Variants in MED20 observed in about 807,000 individuals in gnomAD.
MED20 encodes the protein mediator complex subunit 20.
Under a neutral mutation model 19.7 loss-of-function variants are expected in MED20, and 19 were observed. The ratio of observed to expected loss-of-function variants is 0.96; its 90% CI spans 0.67 to 1.42. MED20 has a LOEUF of 1.42. MED20 is among the 40% of genes most tolerant of loss of function. The pLI is 0.00. For missense variants in MED20, 225 were observed against 273.0 expected (o/e 0.82, Z 1.24); for synonymous variants, 105 against 104.8 (o/e 1.00, Z -0.01).
In MED20 at chr6:41,916,806, CGGCCGTATGGT is replaced by C; in HGVS notation, c.137_147del (p.Tyr46CysfsTer31). On this transcript the variant is annotated frameshift_variant, in exon 2 of 4. Coordinates refer to ENST00000265350, the MANE Select transcript of MED20 (RefSeq NM_004275.5). LOFTEE classifies it high-confidence loss of function. ...TGACCTTGGCTGCCAAGGGTAGAGGCGGCCGTATGGTAAGTCTCACAGTCCACACAAAATGT... is the reference window on the plus strand; with the variant it reads ...TGACCTTGGCTGCCAAGGGTAGAGGCAAGTCTCACAGTCCACACAAAATGT... 1 of 1,614,016 alleles carries C rather than the reference CGGCCGTATGGT, an allele frequency of 6.2e-7. No individual in the cohort carries two copies. Among genetic ancestry groups the C allele is most frequent in the Non-Finnish European group, 8.5e-7 (1 of 1,179,936 alleles).
chr6:41,921,116 T>A lies in MED20; in HGVS notation c.-98A>T. The A allele has an allele frequency of 3.4e-6, 5 of 1,481,892 alleles. No homozygotes were observed. The highest frequency in any genetic ancestry group is 1.2e-5 in the South Asian group (1 of 84,134). 91.8% of individuals were successfully genotyped at this position (1,481,892 alleles called of 1,614,324 possible). On this transcript the variant is annotated 5_prime_UTR_variant, in exon 1 of 4. Transcript: ENST00000265350. ...TTCAGTTCCCCAACACAACCTTCTGTCTCAGAAGGGACTCCGGAAATACGT... is the reference window on the plus strand; with the variant it reads ...TTCAGTTCCCCAACACAACCTTCTGACTCAGAAGGGACTCCGGAAATACGT...
intron 3 of MED20, 40 bp from the exon 4 acceptor site, chr6:41,907,327 C>CTAA (rs755347892): frequency 6.4e-7 from 1 of 1,560,904 alleles, no homozygotes; most frequent in Admixed American, 1.9e-5. Context: ...TGAATGAAGG[C>CTAA]TAAGACAAGG....
chr6:41,917,807 C>G (rs1410336521), intron 1 of MED20: 1 of 471,358 alleles, frequency 2.1e-6, no homozygotes, highest in East Asian at 6.9e-5. Flanking sequence ...ACTCTGTGAA[C>G]TTGAGCTGTT....
chr6:41,919,002 G>C (rs1279698843), intron 1 of MED20, among the ~76,000 whole-genome samples: 1 of 149,140 alleles, frequency 6.7e-6, no homozygotes, highest in African/African-American at 2.5e-5. Flanking sequence ...GGTGGTGGGC[G>C]CCTGTAGTCC....
chr6:41,913,667 AG>A (rs996143636), intron 2 of MED20, among the ~76,000 whole-genome samples: 1 of 152,196 alleles, frequency 6.6e-6, no homozygotes, highest in Non-Finnish European at 1.5e-5. Flanking sequence ...TGGGAGGCCA[AG>A]GTGGGCGGAT....
intron 3 of MED20, chr6:41,908,841 T>A (rs890761133): frequency 2.1e-5 from 4 of 191,980 alleles, no homozygotes; most frequent in Admixed American, 5.9e-5. Context: ...AGAGGAAGCA[T>A]AGATGCCTTG....
intron 1 of MED20, among the ~76,000 whole-genome samples, 166 bp from the exon 2 acceptor site, chr6:41,917,105 A>G (rs1171599719): frequency 6.6e-6 from 1 of 152,104 alleles, no homozygotes; most frequent in African/African-American, 2.4e-5. Context: ...ATTTTTAATT[A>G]AAAAAAATTT....
chr6:41,907,996 G>A (rs1457371197), intron 3 of MED20, among the ~76,000 whole-genome samples: 5 of 152,160 alleles, frequency 3.3e-5, no homozygotes, highest in African/African-American at 4.8e-5. Flanking sequence ...ATCACAAGCC[G>A]AAAGGGTTAG....
At chr6:41,916,965 A>G (rs1775331073) in intron 1 of MED20, 26 bp from the exon 2 acceptor site, 1 of 1,612,736 alleles carries the variant, frequency 6.2e-7, no homozygotes. Context: ...CCAAATCGTC[A>G]GTTATCCAGA....
At position 41,921,123 on chromosome 6, in the gene MED20, A is replaced by G; in HGVS notation, c.-105T>C. ...CCCCAACACAACCTTCTGTCTCAGA[A>G]GGGACTCCGGAAATACGTAAAAACA... On this transcript the variant is annotated 5_prime_UTR_variant, in exon 1 of 4. Transcript: ENST00000265350. 2.7e-6 allele frequency: 4 copies of G among 1,467,014 alleles called. No homozygotes were observed. In the South Asian group the frequency reaches 3.7e-5, roughly 13 times the overall value. 90.9% of individuals were successfully genotyped at this position (1,467,014 alleles called of 1,614,324 possible).
intron 2 of MED20, 45 bp from the exon 3 acceptor site, chr6:41,909,567 C>T (rs1775140863): frequency 1.6e-5 from 25 of 1,601,136 alleles, no homozygotes; most frequent in Non-Finnish European, 2.1e-5. Flanking sequence ...CTTTCACTGG[C>T]AAACCCCAGA....
At position 41,921,015 on chromosome 6, in the gene MED20, C is replaced by T; in HGVS notation, c.4G>A (p.Gly2Arg). The T allele has an allele frequency of 1.2e-6, 2 of 1,613,254 alleles. No homozygotes were observed. Among genetic ancestry groups the T allele is most frequent in the Non-Finnish European group, 1.7e-6 (2 of 1,179,562 alleles). M[G>R]VTCVSQMPVA... is the part of the protein sequence containing the mutation. ...CCCCTGCAGTCCTACCAAGTCACTC[C>T]CATGGCGTCGGGCCAGGAAGGTGGC... is the stretch of plus-strand genomic sequence containing the variant. Residue 2 changes from glycine to arginine, a missense_variant, in exon 1 of 4, where the codon GGA becomes AGA. Gly to Arg is a moderately radical substitution (Grantham distance 125). Transcript: ENST00000265350.
intron 2 of MED20, among the ~76,000 whole-genome samples, chr6:41,914,164 C>T (rs1241610467): frequency 6.6e-6 from 1 of 152,158 alleles, no homozygotes; most frequent in Non-Finnish European, 1.5e-5. Flanking sequence ...CTACTACCAT[C>T]CCTAGGGCTA....
chr6:41,909,131 G>A (rs6899810), intron 3 of MED20, 138 bp downstream of exon 3: 1 of 1,163,328 alleles, frequency 8.6e-7, no homozygotes, highest in Non-Finnish European at 1.2e-6. Context: ...CCAAGATTGT[G>A]CCATTGCATT....
chr6:41,910,654 A>C (rs1775170438), intron 2 of MED20, among the ~76,000 whole-genome samples: 1 of 151,800 alleles, frequency 6.6e-6, no homozygotes, highest in Admixed American at 6.6e-5. Context: ...AGAAAAAAAA[A>C]GGTAAAAACT....
chr6:41,907,589 G>A (rs981905884), intron 3 of MED20, among the ~76,000 whole-genome samples: 1 of 152,132 alleles, frequency 6.6e-6, no homozygotes, highest in African/African-American at 2.4e-5. Context: ...CTGCTATGCT[G>A]GGTAAAGATT....
chr6:41,916,816 G>A lies in MED20; in HGVS notation c.138C>T (p.Tyr46=), dbSNP rs1775326498. 1 of 1,614,068 alleles carries A rather than the reference G, an allele frequency of 6.2e-7. No homozygotes were observed. The highest frequency in any genetic ancestry group is 1.3e-5 in the African/African-American group (1 of 75,030). ...TGCCAAGGGTAGAGGCGGCCGTATG[G>A]TAAGTCTCACAGTCCACACAAAATG... ...QGTFCVDCET[Y]HTAASTLGSQ... The change falls in exon 2 of 4, where the codon TAC becomes TAT. Residue 46 remains tyrosine (Y), a synonymous_variant. Coordinates refer to ENST00000265350, the MANE Select transcript of MED20 (RefSeq NM_004275.5).
chr6:41,918,015 CA>C lies in MED20; in HGVS notation c.15-1077del, dbSNP rs368085087. ...ATTGAATCAAAAGAATGGAACAAAACAAAAAAAAAACGTTATTTCTAAGGTT... is the reference window on the plus strand; with the variant it reads ...ATTGAATCAAAAGAATGGAACAAAACAAAAAAAAACGTTATTTCTAAGGTT... On this transcript the variant is annotated intron_variant, in intron 1 of 3. Transcript: ENST00000265350. The C allele has an allele frequency of 8.8e-3, 2,054 of 232,818 alleles. 32 individuals are homozygous for C. Among genetic ancestry groups the C allele is most frequent in the African/African-American group, 0.037 (1,580 of 42,404 alleles). 14.4% of individuals were successfully genotyped at this position (232,818 alleles called of 1,614,324 possible). A position where few individuals can be genotyped will look rare whatever the true frequency, so the allele number is the denominator to read the frequency against.
At chr6:41,916,469 C>T (rs1280061381) in intron 2 of MED20, among the ~76,000 whole-genome samples, 2 of 151,796 alleles carry the variant, frequency 1.3e-5, no homozygotes, top group African/African-American at 2.4e-5. Flanking sequence ...ATCCCAGCTA[C>T]CTGGGAAGGC....
Sources: allele counts gnomAD v4.1 joint callset (sites outside exome capture counted in the v4.1 genomes callset), GRCh38; gene constraint gnomAD v4.1.1; transcripts MANE v1.5; gene names NCBI Gene and HGNC (gene_info 2026-07-23, HGNC 2026-07-21).